Variants in GPC6 observed in about 807,000 individuals in gnomAD.
GPC6 encodes glypican-6.
A neutral mutation model predicts 55.2 loss-of-function variants in GPC6; 14 were observed. The observed-to-expected ratio is 0.25, with a 90% CI of 0.17 to 0.40. The LOEUF (loss-of-function observed/expected upper bound fraction) is 0.40, where lower values mean the gene tolerates loss of function less well. Ranked by LOEUF, GPC6 falls within the 10% of genes least tolerant of loss-of-function variation. GPC6 has a pLI of 1.00. For missense variants in GPC6, 641 were observed against 708.5 expected (o/e 0.90, Z 1.08); for synonymous variants, 278 against 259.6 (o/e 1.07, Z -0.68).
chr13:93,536,143 C>T (rs1338827792), intron 1 of GPC6, among the ~76,000 whole-genome samples: 3 of 152,024 alleles, frequency 2.0e-5, no homozygotes, highest in Admixed American at 1.3e-4. Flanking sequence ...CTGTGATTCT[C>T]AAGTCTCATT....
intron 1 of GPC6, among the ~76,000 whole-genome samples, chr13:93,275,950 T>C (rs1010815257): frequency 1.2e-4 from 18 of 152,106 alleles, no homozygotes; most frequent in Non-Finnish European, 1.8e-4. Context: ...TCTCGGCTCA[T>C]GGCAAGCTCT....
In GPC6 at chr13:94,406,806, A is replaced by G. The variant is rs1029509583; in HGVS notation, c.*3589A>G. 7 of 152,146 alleles carry G rather than the reference A, an allele frequency of 4.6e-5. No individual in the cohort carries two copies. The highest frequency in any genetic ancestry group is 1.7e-4 in the African/African-American group (7 of 41,454). 9.4% of individuals were successfully genotyped at this position (152,146 alleles called of 1,614,324 possible). A position where few individuals can be genotyped will look rare whatever the true frequency, so the allele number is the denominator to read the frequency against. On this transcript the variant is annotated 3_prime_UTR_variant, in exon 9 of 9. Transcript: ENST00000377047. ...ATTCTTTTATTACTTCTTTTTGCAA[A>G]GCTAATTATCAAATGATTTGATTAA...
intron 6 of GPC6, among the ~76,000 whole-genome samples, chr13:94,321,673 A>G (rs1055228328): frequency 1.3e-5 from 2 of 152,148 alleles, no homozygotes; most frequent in African/African-American, 4.8e-5. Flanking sequence ...AGGAAGCCCT[A>G]TTTCATTGGG....
rs76015887 is a variant in GPC6, at chr13:93,346,465, A to G, written c.160+118849A>G. On this transcript the variant is annotated intron_variant, in intron 1 of 8. Transcript: ENST00000377047. ...GACTTCTCCATGCTTTAAAATCCCT[A>G]TTCTCATATTTACCTGATCTGTAAG... is the stretch of plus-strand genomic sequence containing the variant. 2.2e-4 allele frequency among the ~76,000 whole-genome samples: 34 copies of G among 152,264 alleles called. 1 individual carries two copies. Among genetic ancestry groups the G allele is most frequent in the African/African-American group, 8.2e-4 (34 of 41,564 alleles).
chr13:93,756,643 G>C (rs1168032592), intron 2 of GPC6, among the ~76,000 whole-genome samples: 2 of 152,086 alleles, frequency 1.3e-5, no homozygotes, highest in Non-Finnish European at 2.9e-5. Flanking sequence ...ACACAGATGG[G>C]GTTAATCTTT....
At chr13:94,040,402 A>G (rs1883489449) in intron 4 of GPC6, among the ~76,000 whole-genome samples, 1 of 151,872 alleles carries the variant, frequency 6.6e-6, no homozygotes, top group Non-Finnish European at 1.5e-5. Flanking sequence ...AGCTTCTGCA[A>G]TGAAACATTC....
intron 4 of GPC6, among the ~76,000 whole-genome samples, chr13:94,245,236 T>C (rs937571110): frequency 2.0e-5 from 3 of 152,056 alleles, no homozygotes; most frequent in Non-Finnish European, 4.4e-5. Context: ...TTGGCATTCA[T>C]TTATTTATTT....
chr13:93,576,558 CT>C (rs1177959713), intron 2 of GPC6, among the ~76,000 whole-genome samples: 2 of 151,888 alleles, frequency 1.3e-5, no homozygotes, highest in African/African-American at 4.8e-5. Flanking sequence ...TAAATATTGT[CT>C]TTTCTCTATC....
rs368894937 is a variant in GPC6, at chr13:93,496,225, G to A, written c.161-49038G>A. ...AGCCAGGTGTGGGATATAGTCTCGT[G>A]GTGCGCCGTTTTTTAAGCTGGTCTG... On this transcript the variant is annotated intron_variant, in intron 1 of 8. Coordinates refer to ENST00000377047, the MANE Select transcript of GPC6 (RefSeq NM_005708.5). Among the ~76,000 whole-genome samples the A allele has an allele frequency of 1.5e-3, 221 of 152,264 alleles. 7 individuals are homozygous for A. The South Asian group carries it at 0.044, about 30-fold the overall frequency.
intron 1 of GPC6, among the ~76,000 whole-genome samples, chr13:93,446,467 C>A (rs1160895358): frequency 6.7e-6 from 1 of 150,296 alleles, no homozygotes; most frequent in Non-Finnish European, 1.5e-5. Flanking sequence ...CTGCTAGGAT[C>A]ATCAATTTAG....
At chr13:93,523,052 CATAT>C (rs1399473802) in intron 1 of GPC6, among the ~76,000 whole-genome samples, 5 of 135,614 alleles carry the variant, frequency 3.7e-5, no homozygotes, top group African/African-American at 1.9e-4. Flanking sequence ...CACACACACA[CATAT>C]GTGTATACAT....
chr13:94,143,226 G>T (rs1367906963), intron 4 of GPC6, among the ~76,000 whole-genome samples: 1 of 151,966 alleles, frequency 6.6e-6, no homozygotes, highest in African/African-American at 2.4e-5. Flanking sequence ...AGGTGAGATT[G>T]TCTCCCTTTG....
rs1254004158 is a variant in GPC6 at position 94,227,991 on chromosome 13, T to C, written c.878-58358T>C. On this transcript the variant is annotated intron_variant, in intron 4 of 8. Coordinates refer to ENST00000377047, the MANE Select transcript of GPC6 (RefSeq NM_005708.5). ...TACAGTCCAACAACATGCCTGCAAG[T>C]GAAGGGAACCAGAAATATTTTGCAG... Among the ~76,000 whole-genome samples the C allele has an allele frequency of 2.0e-5, 3 of 152,160 alleles. No homozygotes were observed. The East Asian group carries it at 5.8e-4, about 29-fold the overall frequency.
rs574131434 is a variant in GPC6, at chr13:93,227,434, G to A, written c.-23G>A. 1.9e-5 allele frequency: 30 copies of A among 1,612,678 alleles called. No individual in the cohort carries two copies. Among genetic ancestry groups the A allele is most frequent in the Non-Finnish European group, 1.7e-6 (2 of 1,179,068 alleles). On this transcript the variant is annotated 5_prime_UTR_variant, in exon 1 of 9. Coordinates refer to ENST00000377047, the MANE Select transcript of GPC6 (RefSeq NM_005708.5). This position sits in a 1 kb window ranked among gnomAD's most constrained non-coding sequence, Gnocchi z 4.3. ...GAGCGCACCGGCCGTGGGGTTTACC[G>A]AGCTGGATTTGTATGTTGCACCATG...
At chr13:93,896,389 A>G (rs1255311762) in intron 3 of GPC6, among the ~76,000 whole-genome samples, 1 of 152,098 alleles carries the variant, frequency 6.6e-6, no homozygotes, top group Non-Finnish European at 1.5e-5. Context: ...AGTAAAACAT[A>G]AGACACCACA....
intron 2 of GPC6, among the ~76,000 whole-genome samples, chr13:93,695,189 T>C (rs935942132): frequency 2.0e-5 from 3 of 152,120 alleles, no homozygotes; most frequent in African/African-American, 7.2e-5. Context: ...AGAAGTTTAC[T>C]GAGCCTCCAC....
intron 6 of GPC6, among the ~76,000 whole-genome samples, chr13:94,331,846 T>G (rs1165971540): frequency 6.6e-6 from 1 of 152,180 alleles, no homozygotes; most frequent in Non-Finnish European, 1.5e-5. Context: ...TCAGGGAAAG[T>G]TTTAAGCATT....
intron 2 of GPC6, among the ~76,000 whole-genome samples, chr13:93,623,606 C>T (rs1879060663): frequency 6.6e-6 from 1 of 151,654 alleles, no homozygotes; most frequent in Non-Finnish European, 1.5e-5. Flanking sequence ...TTACAGGCAC[C>T]CGCCACCACT....
chr13:94,235,269 A>G (rs147845192), intron 4 of GPC6, among the ~76,000 whole-genome samples: 1 of 152,282 alleles, frequency 6.6e-6, no homozygotes, highest in Non-Finnish European at 1.5e-5. Flanking sequence ...CACATCAGGT[A>G]TAATGAACCA....
Sources: gnomAD v4.1 joint callset for allele counts (sites outside exome capture counted in the v4.1 genomes callset) on GRCh38, gnomAD v4.1.1 for gene constraint, Gnocchi (gnomAD v3.1) non-coding constraint, MANE v1.5 for transcripts, NCBI Gene and HGNC (gene_info 2026-07-23, HGNC 2026-07-21) for gene names.